Variants in WDHD1 observed in about 807,000 individuals in gnomAD.
WDHD1 encodes WD repeat and HMG-box DNA binding protein 1, also known as WD repeat and HMG-box DNA-binding protein 1.
Under a neutral mutation model 135.4 loss-of-function variants are expected in WDHD1, and 111 were observed. The ratio of observed to expected loss-of-function variants is 0.82; its 90% CI spans 0.70 to 0.96. The LOEUF is 0.96. Among genes scored for constraint, WDHD1 ranks in the 40% least tolerant of loss-of-function variants. The pLI is 0.00. For missense variants in WDHD1, 1,351 were observed against 1,336.3 expected, an observed-to-expected ratio of 1.01 and a Z score of -0.17; for synonymous variants, 434 against 439.0, an observed-to-expected ratio of 0.99 and a Z score of 0.14.
intron 16 of WDHD1, among the ~76,000 whole-genome samples, chr14:54,974,045 G>T (rs190238632): frequency 1.3e-5 from 2 of 151,588 alleles, no homozygotes; most frequent in African/African-American, 4.9e-5. Context: ...TGATGACGAC[G>T]GAGTTTCCTG....
Position 54,996,674 on chromosome 14 carries a change from C to G in WDHD1, c.943-861G>C, listed in dbSNP as rs545791402. Reference sequence around the variant, plus strand: ...TACACTGCAAAGATCCCAAGTTACTCCTATAGGATGCATAAAAACTACAAA... The same window carrying G: ...TACACTGCAAAGATCCCAAGTTACTGCTATAGGATGCATAAAAACTACAAA... On this transcript the variant is annotated intron_variant, in intron 10 of 25. Transcript: ENST00000360586. 9.9e-5 allele frequency among the ~76,000 whole-genome samples: 15 copies of G among 152,172 alleles called. 1 individual carries two copies. In the South Asian group the frequency reaches 2.7e-3, roughly 27 times the overall value.
chr14:54,957,086 T>C lies in WDHD1; in HGVS notation c.2864A>G (p.Asn955Ser), dbSNP rs767484161. The C allele has an allele frequency of 6.2e-7, 1 of 1,614,222 alleles. No individual in the cohort carries two copies. Among genetic ancestry groups the C allele is most frequent in the Non-Finnish European group, 8.5e-7 (1 of 1,180,030 alleles). The change falls in exon 23 of 26, where the codon AAT becomes AGT. Residue 955 changes from asparagine (N) to serine (S), a missense_variant. Around this residue, in one of 2 missense-constraint regions of WDHD1, gnomAD observed 1,330 missense variants for 1,296.1 expected, o/e 1.03. Coordinates refer to ENST00000360586, the MANE Select transcript of WDHD1 (RefSeq NM_007086.4). The part of the protein sequence containing the change: ...KSTALSRTTN[N>S]EKSPIIKPLI... The stretch of plus-strand genomic sequence containing the variant: ...AGGCTTTATAATGGGAGACTTTTCA[T>C]TATTTGTAGTTCGACTAAGTGCAGT...
At chr14:54,970,265 A>G (rs1045193246) in intron 16 of WDHD1, among the ~76,000 whole-genome samples, 2 of 152,214 alleles carry the variant, frequency 1.3e-5, no homozygotes, top group African/African-American at 2.4e-5. Flanking sequence ...ATATTACTCT[A>G]TACATAGAAT....
Position 54,965,681 on chromosome 14 carries a change from C to T in WDHD1, c.2310+794G>A, listed in dbSNP as rs190269160. Among the ~76,000 whole-genome samples, 173 of 152,226 alleles carry T rather than the reference C, an allele frequency of 1.1e-3. 1 individual carries two copies. Among genetic ancestry groups the T allele is most frequent in the African/African-American group, 4.1e-3 (170 of 41,538 alleles). Reference sequence around the variant, plus strand: ...ACTGTTTTATTTATTTTAGGCTGGGCACGGTGGCTCATGCCTGTGATCCCA... The same window carrying T: ...ACTGTTTTATTTATTTTAGGCTGGGTACGGTGGCTCATGCCTGTGATCCCA... On this transcript the variant is annotated intron_variant, in intron 18 of 25. Coordinates refer to ENST00000360586, the MANE Select transcript of WDHD1 (RefSeq NM_007086.4).
chr14:54,946,740 G>A (rs985542311), intron 24 of WDHD1, among the ~76,000 whole-genome samples: 3 of 152,166 alleles, frequency 2.0e-5, no homozygotes, highest in African/African-American at 7.2e-5. Context: ...TGATCATGTT[G>A]GCCTTCCAAA....
intron 12 of WDHD1, among the ~76,000 whole-genome samples, chr14:54,990,602 A>AG (rs1191813989): frequency 6.6e-6 from 1 of 152,190 alleles, no homozygotes; most frequent in Middle Eastern, 3.2e-3. Flanking sequence ...TCTCAAAAAA[A>AG]AAAAAAAAGA....
At chr14:54,976,723 G>A (rs1265891493) in intron 16 of WDHD1, among the ~76,000 whole-genome samples, 1 of 151,816 alleles carries the variant, frequency 6.6e-6, no homozygotes, top group Non-Finnish European at 1.5e-5. Flanking sequence ...AAATATTTAA[G>A]GCTATATACC....
chr14:54,979,650 C>T (rs1032840720), intron 16 of WDHD1, among the ~76,000 whole-genome samples: 14 of 152,288 alleles, frequency 9.2e-5, no homozygotes, highest in Non-Finnish European at 1.9e-4. Flanking sequence ...TGAATTGCTG[C>T]TTTGTTTAAA....
intron 10 of WDHD1, among the ~76,000 whole-genome samples, chr14:54,998,826 T>C (rs1299561607): frequency 6.6e-6 from 1 of 152,180 alleles, no homozygotes; most frequent in Non-Finnish European, 1.5e-5. Flanking sequence ...ATTTAGGTTA[T>C]TAAGATCATG....
intron 2 of WDHD1, among the ~76,000 whole-genome samples, chr14:55,022,729 C>T (rs2140234749): frequency 2.0e-5 from 3 of 148,298 alleles, no homozygotes; most frequent in Middle Eastern, 7.6e-3. Flanking sequence ...GGCAGATGTC[C>T]TTTCTCCTCA....
intron 15 of WDHD1, among the ~76,000 whole-genome samples, chr14:54,984,218 G>C (rs950481481): frequency 6.6e-6 from 1 of 152,286 alleles, no homozygotes; most frequent in East Asian, 1.9e-4. Flanking sequence ...CTCTTAGCCG[G>C]GTGCAGTGGC....
intron 16 of WDHD1, among the ~76,000 whole-genome samples, chr14:54,979,465 A>T (rs373583242): frequency 6.6e-6 from 1 of 151,876 alleles, no homozygotes; most frequent in African/African-American, 2.4e-5. Flanking sequence ...CCAATAGTCA[A>T]ATTTCTTGAT....
At chr14:55,024,413 CCT>C (rs1218333374) in intron 2 of WDHD1, among the ~76,000 whole-genome samples, 4 of 152,144 alleles carry the variant, frequency 2.6e-5, no homozygotes, top group Non-Finnish European at 5.9e-5. Flanking sequence ...AGACGTTATC[CCT>C]GTTGCCTCTT....
intron 18 of WDHD1, among the ~76,000 whole-genome samples, chr14:54,965,205 T>C (rs2041321598): frequency 6.6e-6 from 1 of 152,250 alleles, no homozygotes; most frequent in Non-Finnish European, 1.5e-5. Context: ...CATACAGCAG[T>C]GAGCAGGTCT....
chr14:54,973,142 A>G (rs1339229671), intron 16 of WDHD1, among the ~76,000 whole-genome samples: 1 of 152,228 alleles, frequency 6.6e-6, no homozygotes, highest in African/African-American at 2.4e-5. Flanking sequence ...GGCAAATTTC[A>G]TATTTTCATA....
intron 21 of WDHD1, among the ~76,000 whole-genome samples, chr14:54,959,563 G>A (rs2041215919): frequency 6.6e-6 from 1 of 152,098 alleles, no homozygotes; most frequent in South Asian, 2.1e-4. Flanking sequence ...AGGAGTTCCA[G>A]ACCAGCTTCG....
intron 10 of WDHD1, among the ~76,000 whole-genome samples, chr14:54,999,842 A>G (rs1216393118): frequency 6.6e-6 from 1 of 152,170 alleles, no homozygotes; most frequent in African/African-American, 2.4e-5. Flanking sequence ...CCTGGGCTCA[A>G]GCAATCCTCC....
chr14:54,968,031 G>C (rs571053147), intron 16 of WDHD1, among the ~76,000 whole-genome samples: 24 of 152,208 alleles, frequency 1.6e-4, no homozygotes, highest in Non-Finnish European at 3.4e-4. Context: ...ATTAATACCT[G>C]TCATGGAATC....
Position 55,002,092 on chromosome 14 carries a change from C to T in WDHD1, c.693+1G>A. 1 of 1,601,364 alleles carries T rather than the reference C, an allele frequency of 6.2e-7. No homozygotes were observed. Among genetic ancestry groups the T allele is most frequent in the Non-Finnish European group, 8.5e-7 (1 of 1,173,724 alleles). ...TGAAAGTGTCACTTTGTAAAACCTA[C>T]CTGAGAGATGAAATTATCTGAAAGA... is the stretch of plus-strand genomic sequence containing the variant. On this transcript the variant is annotated splice_donor_variant, in intron 8 of 25. Coordinates refer to ENST00000360586, the MANE Select transcript of WDHD1 (RefSeq NM_007086.4). LOFTEE classifies it high-confidence loss of function.
Sources: allele counts gnomAD v4.1 joint callset (sites outside exome capture counted in the v4.1 genomes callset), GRCh38; gene constraint gnomAD v4.1.1; regional missense constraint gnomAD v4.1.1; transcripts MANE v1.5; gene names NCBI Gene and HGNC (gene_info 2026-07-23, HGNC 2026-07-21).